The following DOCK7 variants were observed in gnomAD, a reference collection of about 807,000 sequenced individuals.
DOCK7 encodes dedicator of cytokinesis protein 7.
Under a neutral mutation model 271.0 loss-of-function variants are expected in DOCK7, and 138 were observed. The ratio of observed to expected loss-of-function variants is 0.51; its 90% confidence interval spans 0.44 to 0.59. The LOEUF (loss-of-function observed/expected upper bound fraction) is 0.59. Ranked by LOEUF, DOCK7 falls within the 20% of genes least tolerant of loss-of-function variation. The pLI is 0.00. For missense variants in DOCK7, 2,066 were observed against 2,592.4 expected (o/e 0.80, Z 4.41); for synonymous variants, 823 against 876.1 (o/e 0.94, Z 1.07).
chr1:62,525,207 C>T (rs1450548462), intron 31 of DOCK7, among the ~76,000 whole-genome samples: 2 of 151,686 alleles, frequency 1.3e-5, no homozygotes, highest in East Asian at 3.9e-4. Context: ...TCAGGTTTTA[C>T]CATGTTGGCC....
At chr1:62,582,498 C>T (rs1383743578) in intron 16 of DOCK7, among the ~76,000 whole-genome samples, 2 of 127,518 alleles carry the variant, frequency 1.6e-5, no homozygotes, top group Non-Finnish European at 3.2e-5. Flanking sequence ...TGCAGTAAGC[C>T]GAGATCCCGC....
intron 19 of DOCK7, among the ~76,000 whole-genome samples, chr1:62,561,297 A>C (rs1646315106): frequency 6.6e-6 from 1 of 152,162 alleles, no homozygotes; most frequent in African/African-American, 2.4e-5. Flanking sequence ...TGAAATACTC[A>C]AGTCTATGAG....
intron 12 of DOCK7, 66 bp downstream of exon 12, chr1:62,625,193 C>A: frequency 6.4e-7 from 1 of 1,555,316 alleles, no homozygotes; most frequent in South Asian, 1.2e-5. Flanking sequence ...CAATCACTAC[C>A]TTTCTGAAAT....
At chr1:62,520,486 CAT>C (rs145329819) in intron 31 of DOCK7, among the ~76,000 whole-genome samples, 87,820 of 151,666 alleles carry the variant, frequency 0.58, 27,186 homozygotes, top group East Asian at 0.76. Context: ...GGCCAACAAA[CAT>C]ATGAAAAAAA....
In DOCK7 at chr1:62,455,060, T is replaced by C. The variant is rs186911256; in HGVS notation, c.*354A>G. 1.9e-4 allele frequency: 93 copies of C among 479,720 alleles called. No individual in the cohort carries two copies. In the East Asian group the frequency reaches 2.8e-3, roughly 15 times the overall value. The allele number at this position is 479,720 out of a possible 1,614,324, so 29.7% of individuals were successfully genotyped here. On this transcript the variant is annotated 3_prime_UTR_variant, in exon 50 of 50. Transcript: ENST00000635253. ...ATAGTACCTTTAAAATAAGCATTAC[T>C]ACATTTAAAATGGTTCCAAAATGAA...
intron 19 of DOCK7, among the ~76,000 whole-genome samples, chr1:62,560,417 C>T (rs949297588): frequency 4.6e-5 from 7 of 152,172 alleles, no homozygotes; most frequent in African/African-American, 1.7e-4. Context: ...ACCTACAGGA[C>T]ATCTCCATCT....
intron 9 of DOCK7, 91 bp from the exon 10 acceptor site, chr1:62,633,669 C>A: frequency 1.2e-6 from 1 of 812,930 alleles, no homozygotes; most frequent in African/African-American, 1.7e-5. Context: ...AACACATTAA[C>A]AGAATGACAG....
Position 62,648,443 on chromosome 1 carries a change from G to A in DOCK7, c.491C>T (p.Pro164Leu). 4 of 1,549,732 alleles carry A rather than the reference G, an allele frequency of 2.6e-6. No homozygotes were observed. Among genetic ancestry groups the A allele is most frequent in the South Asian group, 1.3e-5 (1 of 78,816 alleles). The change falls in exon 5 of 50, where the codon CCA (proline) becomes CTA (leucine). Residue 164 changes from proline (P) to leucine (L), a missense_variant. Physicochemically the swap from Pro to Leu is moderately conservative, Grantham distance 98. Transcript: ENST00000635253. Reference sequence around the variant, plus strand: ...ATCATCCTGGTAGCTGTTGCCATCTGGAGCTTCATCAGATTCAAAAACTTG... The same window carrying A: ...ATCATCCTGGTAGCTGTTGCCATCTAGAGCTTCATCAGATTCAAAAACTTG... The part of the protein sequence containing the change: ...PKQVFESDEA[P>L]DGNSYQDDQD...
At chr1:62,524,332 T>C (rs1226091169) in intron 31 of DOCK7, among the ~76,000 whole-genome samples, 1 of 152,200 alleles carries the variant, frequency 6.6e-6, no homozygotes, top group Admixed American at 6.5e-5. Flanking sequence ...TAGATTAAGA[T>C]ACCCACAGTC....
chr1:62,678,394 T>C (rs1004298105), intron 1 of DOCK7, among the ~76,000 whole-genome samples: 2 of 152,192 alleles, frequency 1.3e-5, no homozygotes, highest in Admixed American at 6.5e-5. Context: ...TAGCAAGGTA[T>C]AGCTGGATAC....
At chr1:62,564,379 C>A (rs1212324509) in intron 18 of DOCK7, among the ~76,000 whole-genome samples, 1 of 152,026 alleles carries the variant, frequency 6.6e-6, no homozygotes, top group East Asian at 1.9e-4. Context: ...GACCACAGTG[C>A]AATCAAATTA....
intron 31 of DOCK7, among the ~76,000 whole-genome samples, chr1:62,525,078 T>G (rs1037512641): frequency 1.7e-4 from 26 of 151,498 alleles, no homozygotes; most frequent in African/African-American, 6.1e-4. Flanking sequence ...CGATCTAGGC[T>G]TACTGCAAAC....
chr1:62,546,564 T>C (rs1180772175), intron 22 of DOCK7, among the ~76,000 whole-genome samples: 1 of 152,112 alleles, frequency 6.6e-6, no homozygotes, highest in Non-Finnish European at 1.5e-5. Flanking sequence ...AGTGTCTCCC[T>C]TCACATGGTA....
chr1:62,613,273 G>A (rs146852264), intron 14 of DOCK7, among the ~76,000 whole-genome samples: 56 of 152,266 alleles, frequency 3.7e-4, no homozygotes, highest in African/African-American at 1.3e-3. Context: ...CTTGTATGGT[G>A]CAGTAAGAAA....
At chr1:62,648,693 A>C in intron 4 of DOCK7, 149 bp from the exon 5 acceptor site, 1 of 438,148 alleles carries the variant, frequency 2.3e-6, no homozygotes, top group South Asian at 8.0e-5. Context: ...GTTAAAGAAA[A>C]TTTATATTCA....
intron 14 of DOCK7, among the ~76,000 whole-genome samples, chr1:62,616,934 T>C (rs994970472): frequency 6.6e-6 from 1 of 151,686 alleles, no homozygotes; most frequent in Admixed American, 6.6e-5. Flanking sequence ...GAATTTAGAA[T>C]TTTATACCTG....
chr1:62,680,793 A>G (rs1226824286), intron 1 of DOCK7, among the ~76,000 whole-genome samples: 2 of 152,098 alleles, frequency 1.3e-5, no homozygotes, highest in East Asian at 3.9e-4. Context: ...AATGCTCATC[A>G]TCACTGGCCA....
Position 62,558,979 on chromosome 1 carries a change from A to G in DOCK7, c.2431+10T>C, listed in dbSNP as rs765200973. 6 of 1,593,790 alleles carry G rather than the reference A, an allele frequency of 3.8e-6. No individual in the cohort carries two copies. The South Asian group carries it at 5.6e-5, about 15-fold the overall frequency. On this transcript the variant is annotated intron_variant, in intron 20 of 49. Coordinates refer to ENST00000635253, the MANE Select transcript of DOCK7 (RefSeq NM_001367561.1). ...ATTTCACGTCTCATCCCCAAACAAAAGTAAATTACCTATTTGGCCAGCAAT... is the reference window on the plus strand; with the variant it reads ...ATTTCACGTCTCATCCCCAAACAAAGGTAAATTACCTATTTGGCCAGCAAT...
chr1:62,622,604 C>G (rs1299265300), intron 12 of DOCK7, among the ~76,000 whole-genome samples: 1 of 152,062 alleles, frequency 6.6e-6, no homozygotes, highest in East Asian at 1.9e-4. Flanking sequence ...CAGGTATACA[C>G]CAACATGGCC....
Sources: allele counts gnomAD v4.1 joint callset (sites outside exome capture counted in the v4.1 genomes callset), GRCh38; gene constraint gnomAD v4.1.1; transcripts MANE v1.5; gene names NCBI Gene and HGNC (gene_info 2026-07-23, HGNC 2026-07-21).